Variants in CCDC30 observed in about 807,000 individuals in gnomAD.
CCDC30 encodes the protein coiled-coil domain containing 30.
A neutral mutation model predicts 100.2 loss-of-function variants in CCDC30; 70 were observed. That is an observed-to-expected ratio of 0.70 (90% CI 0.58 to 0.85). The LOEUF is 0.85. CCDC30 is among the 40% of genes least tolerant of loss of function. CCDC30 has a pLI of 0.00. For missense variants in CCDC30, 652 were observed against 771.2 expected, an observed-to-expected ratio of 0.85 and a Z score of 1.83; for synonymous variants, 233 against 269.5, an observed-to-expected ratio of 0.86 and a Z score of 1.33.
intron 6 of CCDC30, among the ~76,000 whole-genome samples, chr1:42,513,868 G>A (rs1644516507): frequency 6.6e-6 from 1 of 152,202 alleles, no homozygotes; most frequent in Admixed American, 6.5e-5. Flanking sequence ...AGGGCCTTAG[G>A]AAGCTTACAG....
At chr1:42,632,091 A>G (rs1205702737) in intron 11 of CCDC30, among the ~76,000 whole-genome samples, 1 of 152,184 alleles carries the variant, frequency 6.6e-6, no homozygotes, top group African/African-American at 2.4e-5. Flanking sequence ...TGTCACCTGA[A>G]TCCAGCAAGT....
At position 42,613,421 on chromosome 1, in the gene CCDC30, AT is replaced by A. The variant is rs546162384; in HGVS notation, c.1277+2340del. Among the ~76,000 whole-genome samples the A allele has an allele frequency of 1.0e-4, 15 of 150,602 alleles. No individual in the cohort carries two copies. The East Asian group carries it at 2.1e-3, about 22-fold the overall frequency. The stretch of plus-strand genomic sequence containing the variant: ...AGGCGCCCACTGCCACGCCCGGCTT[AT>A]TTTTTTTTGTATTTTTAGTAGAGAC... On this transcript the variant is annotated intron_variant, in intron 11 of 16. Coordinates refer to ENST00000668663, the Ensembl canonical transcript of CCDC30.
At chr1:42,650,345 A>T (rs1183121654) in intron 15 of CCDC30, among the ~76,000 whole-genome samples, 1 of 151,904 alleles carries the variant, frequency 6.6e-6, no homozygotes, top group Non-Finnish European at 1.5e-5. Context: ...CAAAAAAGTA[A>T]AAAATTAGCT....
At chr1:42,492,436 G>C (rs1221421912) in intron 4 of CCDC30, 3 of 176,094 alleles carry the variant, frequency 1.7e-5, no homozygotes, top group African/African-American at 7.2e-5. Flanking sequence ...CACTGGGGAT[G>C]AGACAGGTGC....
chr1:42,625,796 C>A (rs1019662467), intron 11 of CCDC30, among the ~76,000 whole-genome samples: 1 of 151,990 alleles, frequency 6.6e-6, no homozygotes, highest in African/African-American at 2.4e-5. Flanking sequence ...GAGAATGATA[C>A]ATATACTGAG....
intron 6 of CCDC30, among the ~76,000 whole-genome samples, chr1:42,557,694 TAAA>T (rs1219340306): frequency 6.8e-6 from 1 of 147,478 alleles, no homozygotes; most frequent in Non-Finnish European, 1.5e-5. Context: ...TTATTTATAT[TAAA>T]TATATTAAAT....
At chr1:42,546,210 A>G (rs898832040) in intron 6 of CCDC30, among the ~76,000 whole-genome samples, 15 of 149,992 alleles carry the variant, frequency 1.0e-4, no homozygotes, top group Non-Finnish European at 1.8e-4. Flanking sequence ...ACATGGAGAA[A>G]CCCCATCTCT....
rs185055846 is a variant in CCDC30 at position 42,612,844 on chromosome 1, A to G, written c.1277+1754A>G. Among the ~76,000 whole-genome samples the G allele has an allele frequency of 4.1e-3, 630 of 152,358 alleles. 4 individuals carry two copies. Among genetic ancestry groups the G allele is most frequent in the Non-Finnish European group, 5.8e-3 (396 of 68,036 alleles). On this transcript the variant is annotated intron_variant, in intron 11 of 16. Transcript: ENST00000668663. The stretch of plus-strand genomic sequence containing the variant: ...TAGACCTGCTGGAATTAACTCTCAC[A>G]ACATAATCCTAATTTGGTTAAGAAT...
the CCDC30 span, chr1:42,456,628 G>A: frequency 6.3e-7 from 1 of 1,588,344 alleles, no homozygotes; most frequent in Non-Finnish European, 8.6e-7. Context: ...GCTGGGCTGA[G>A]GTTATGGCTC....
chr1:42,536,346 A>G, intron 6 of CCDC30, 130 bp from the exon 7 acceptor site: 4 of 559,792 alleles, frequency 7.1e-6, no homozygotes, highest in Non-Finnish European at 9.1e-6. Context: ...TATGAGCTAT[A>G]AACTAGTTTT....
At chr1:42,582,770 CT>C (rs1645993031) in intron 9 of CCDC30, among the ~76,000 whole-genome samples, 1 of 152,160 alleles carries the variant, frequency 6.6e-6, no homozygotes, top group Non-Finnish European at 1.5e-5. Flanking sequence ...GTAGCCATTT[CT>C]TTGATTATGC....
Position 42,577,224 on chromosome 1 carries a change from GA to G in CCDC30, c.845del (p.Lys282ArgfsTer9). 1 of 1,607,380 alleles carries G rather than the reference GA, an allele frequency of 6.2e-7. No individual in the cohort carries two copies. The highest frequency in any genetic ancestry group is 8.5e-7 in the Non-Finnish European group (1 of 1,174,056). On this transcript the variant is annotated frameshift_variant, in exon 8 of 17. Transcript: ENST00000668663. LOFTEE classifies it high-confidence loss of function. ...GAAATCTAAAGTTGCTGATGCAGAG[GA>G]AAAGGTAATTATCCTCATGCTTAAT...
chr1:42,466,575 G>A (rs1438095317), intron 1 of CCDC30, among the ~76,000 whole-genome samples: 1 of 149,404 alleles, frequency 6.7e-6, no homozygotes, highest in African/African-American at 2.5e-5. Flanking sequence ...TTTTTGAGAT[G>A]GAGCCTTGCT....
intron 1 of CCDC30, among the ~76,000 whole-genome samples, chr1:42,477,645 C>G (rs1643898938): frequency 6.6e-6 from 1 of 152,220 alleles, no homozygotes; most frequent in South Asian, 2.1e-4. Flanking sequence ...GTTTGTAAAT[C>G]AATCCTATGC....
chr1:42,595,883 GCA>G (rs1186312605), intron 10 of CCDC30, among the ~76,000 whole-genome samples: 2 of 152,174 alleles, frequency 1.3e-5, no homozygotes, highest in African/African-American at 4.8e-5. Flanking sequence ...TGTACAGAAA[GCA>G]CTATTTGTTC....
intron 6 of CCDC30, among the ~76,000 whole-genome samples, chr1:42,564,224 T>G (rs1645558563): frequency 6.6e-6 from 1 of 152,202 alleles, no homozygotes; most frequent in African/African-American, 2.4e-5. Context: ...TTGTAGAAAA[T>G]CCAAATGACT....
chr1:42,615,908 G>A (rs976971467), intron 11 of CCDC30, among the ~76,000 whole-genome samples: 1 of 151,172 alleles, frequency 6.6e-6, no homozygotes, highest in Non-Finnish European at 1.5e-5. Context: ...TTTTGAACTT[G>A]TTTTTTGTTT....
chr1:42,459,858 G>C (rs1189525201), upstream of CCDC30: 2 of 1,614,056 alleles, frequency 1.2e-6, no homozygotes, highest in Non-Finnish European at 1.7e-6. Context: ...AAAAGGCGTA[G>C]AGATAGAAGA....
intron 6 of CCDC30, among the ~76,000 whole-genome samples, chr1:42,535,481 A>G (rs1644877288): frequency 6.6e-6 from 1 of 150,606 alleles, no homozygotes; most frequent in African/African-American, 2.5e-5. Flanking sequence ...CCAAGTTACA[A>G]AATATAGATG....
Sources: gnomAD v4.1 joint callset for allele counts (sites outside exome capture counted in the v4.1 genomes callset) on GRCh38, gnomAD v4.1.1 for gene constraint, MANE v1.5 for transcripts, NCBI Gene and HGNC (gene_info 2026-07-23, HGNC 2026-07-21) for gene names.